Variants in ANKFN1 observed in about 807,000 individuals in gnomAD.
ANKFN1 encodes the protein ankyrin repeat and fibronectin type III domain containing 1.
In ANKFN1, 74 loss-of-function variants were observed where a neutral mutation model predicts 108.7. The observed-to-expected ratio is 0.68, with a 90% CI of 0.56 to 0.83. ANKFN1 has a LOEUF of 0.83. Ranked by LOEUF, ANKFN1 falls within the 40% of genes least tolerant of loss-of-function variation. The pLI is 0.00. For synonymous variants in ANKFN1, 547 were observed against 516.2 expected, an observed-to-expected ratio of 1.06 and a Z score of -0.81; for missense variants, 1,505 against 1,382.3, an observed-to-expected ratio of 1.09 and a Z score of -1.41.
chr17:56,143,757 A>G (rs1273969662), intron 4 of ANKFN1, among the ~76,000 whole-genome samples: 1 of 152,198 alleles, frequency 6.6e-6, no homozygotes, highest in Non-Finnish European at 1.5e-5. Context: ...ACACAGAGAC[A>G]CAAGGAGAAG....
chr17:56,395,865 G>A (rs1231997653), intron 8 of ANKFN1, among the ~76,000 whole-genome samples: 1 of 152,028 alleles, frequency 6.6e-6, no homozygotes, highest in Admixed American at 6.6e-5. Flanking sequence ...AAAAACAAAG[G>A]TGGGGGGAAG....
At chr17:56,358,897 T>C (rs2046442223) in intron 6 of ANKFN1, among the ~76,000 whole-genome samples, 2 of 152,144 alleles carry the variant, frequency 1.3e-5, no homozygotes, top group South Asian at 4.2e-4. Context: ...CCTCCCTTTT[T>C]CTGACTAACT....
chr17:56,427,143 C>T (rs2048594226), intron 8 of ANKFN1, among the ~76,000 whole-genome samples: 1 of 152,274 alleles, frequency 6.6e-6, no homozygotes, highest in Non-Finnish European at 1.5e-5. Flanking sequence ...CCACAAATTC[C>T]TTTGGGTCCT....
At chr17:56,254,076 T>C in intron 3 of ANKFN1, 1 of 152,214 alleles carries the variant, frequency 6.6e-6, no homozygotes, top group East Asian at 1.9e-4. Flanking sequence ...TTTCTAATGC[T>C]GACCCCAATA....
At chr17:56,286,718 C>G (rs2044227099) in intron 3 of ANKFN1, among the ~76,000 whole-genome samples, 1 of 152,086 alleles carries the variant, frequency 6.6e-6, no homozygotes, top group African/African-American at 2.4e-5. Flanking sequence ...TTACATTGAT[C>G]AAGGAAGTTG....
intron 14 of ANKFN1, among the ~76,000 whole-genome samples, chr17:56,465,096 C>A (rs1182315181): frequency 6.6e-6 from 1 of 152,080 alleles, no homozygotes; most frequent in African/African-American, 2.4e-5. Flanking sequence ...CTTTTCTTTT[C>A]TTCCTTTTTT....
intron 4 of ANKFN1, among the ~76,000 whole-genome samples, chr17:56,113,487 A>G (rs575480221): frequency 1.7e-4 from 26 of 152,344 alleles, no homozygotes; most frequent in Admixed American, 4.6e-4. Flanking sequence ...TGCTGTGTAG[A>G]AAACAAGCTG....
chr17:56,436,837 CAAAAAAAA>C (rs965424286), intron 8 of ANKFN1, among the ~76,000 whole-genome samples: 3 of 79,170 alleles, frequency 3.8e-5, no homozygotes, highest in Non-Finnish European at 5.3e-5. Context: ...AACTCCATCT[CAAAAAAAA>C]AAAAAAAAAA....
chr17:56,487,348 C>T (rs575717804), intron 18 of ANKFN1, among the ~76,000 whole-genome samples: 1 of 152,172 alleles, frequency 6.6e-6, no homozygotes, highest in Non-Finnish European at 1.5e-5. Flanking sequence ...GCATCATGAG[C>T]CCTTAGAAAC....
intron 2 of ANKFN1, among the ~76,000 whole-genome samples, chr17:56,213,404 A>C (rs924793938): frequency 6.6e-6 from 1 of 152,178 alleles, no homozygotes; most frequent in Non-Finnish European, 1.5e-5. Context: ...GGTTTTTCAC[A>C]GTCTAGTAAG....
chr17:56,344,387 A>G (rs972363119), intron 4 of ANKFN1, among the ~76,000 whole-genome samples: 6 of 152,028 alleles, frequency 3.9e-5, no homozygotes, highest in African/African-American at 1.4e-4. Flanking sequence ...TTTTTGCTGA[A>G]GAGCTCTGCA....
At chr17:56,430,892 T>A (rs1009594511) in intron 8 of ANKFN1, among the ~76,000 whole-genome samples, 1 of 152,182 alleles carries the variant, frequency 6.6e-6, no homozygotes, top group African/African-American at 2.4e-5. Context: ...AATGTTGTCT[T>A]GGGGATCAGA....
intron 8 of ANKFN1, among the ~76,000 whole-genome samples, chr17:56,391,374 G>A (rs1418767010): frequency 0.16 from 2,491 of 15,782 alleles, 74 homozygotes; most frequent in African/African-American, 0.34. Context: ...ATATATGTGT[G>A]TGTGTGTGTG....
At chr17:56,464,162 T>C (rs114593211) in intron 14 of ANKFN1, among the ~76,000 whole-genome samples, 3,205 of 152,328 alleles carry the variant, frequency 0.021, 108 homozygotes, top group African/African-American at 0.073. Context: ...CAAAGCTAGC[T>C]ATCCAACCTA....
Position 56,482,502 on chromosome 17 carries a change from C to T in ANKFN1, c.2238C>T (p.Leu746=). 1 of 1,612,898 alleles carries T rather than the reference C, an allele frequency of 6.2e-7. No homozygotes were observed. The part of the protein sequence containing the change: ...PYTPHSGFLN[L]PLQMFELVHF... The stretch of plus-strand genomic sequence containing the variant: ...CCCCACACTCAGGGTTTCTTAACCT[C>T]CCTCTTCAGATGTTTGAACTTGGTA... The change falls in exon 18 of 21, where the codon CTC becomes CTT. Residue 746 remains leucine (L), a synonymous_variant. Coordinates refer to ENST00000682825, the MANE Select transcript of ANKFN1 (RefSeq NM_001370326.1).
chr17:56,363,430 G>A (rs903950081), intron 6 of ANKFN1, among the ~76,000 whole-genome samples: 16 of 152,082 alleles, frequency 1.1e-4, no homozygotes, highest in South Asian at 2.1e-4. Context: ...GATAAGTGTC[G>A]GTGAGGATGT....
intron 3 of ANKFN1, among the ~76,000 whole-genome samples, chr17:56,310,157 T>G (rs1346218898): frequency 6.6e-6 from 1 of 152,176 alleles, no homozygotes; most frequent in African/African-American, 2.4e-5. Context: ...GACATTGAGG[T>G]GGTGCAAGAT....
chr17:56,440,868 C>T (rs1401499270), intron 9 of ANKFN1, among the ~76,000 whole-genome samples: 2 of 151,578 alleles, frequency 1.3e-5, no homozygotes, highest in Admixed American at 6.6e-5. Context: ...TGAGAGAAAT[C>T]CTTTTCCCTT....
At chr17:56,376,595 C>A (rs1402347564) in intron 8 of ANKFN1, among the ~76,000 whole-genome samples, 2 of 152,010 alleles carry the variant, frequency 1.3e-5, no homozygotes, top group African/African-American at 2.4e-5. Flanking sequence ...TTCCTTCTTA[C>A]TTTGATGAGT....
Sources: allele counts gnomAD v4.1 joint callset (sites outside exome capture counted in the v4.1 genomes callset), GRCh38; gene constraint gnomAD v4.1.1; transcripts MANE v1.5; gene names NCBI Gene and HGNC (gene_info 2026-07-23, HGNC 2026-07-21).